VPS13C: variants seen among roughly 807,000 people sequenced by gnomAD.
VPS13C encodes vacuolar protein sorting 13 homolog C.
Under a neutral mutation model 456.8 loss-of-function variants are expected in VPS13C, and 358 were observed. The ratio of observed to expected loss-of-function variants is 0.78; its 90% confidence interval spans 0.72 to 0.86. The LOEUF (loss-of-function observed/expected upper bound fraction) is 0.86. Ranked by LOEUF, VPS13C falls within the 40% of genes least tolerant of loss-of-function variation. VPS13C has a pLI of 0.00. For synonymous variants in VPS13C, 1,578 were observed against 1,486.7 expected, an observed-to-expected ratio of 1.06 and a Z score of -1.41; for missense variants, 4,818 against 4,385.4, an observed-to-expected ratio of 1.10 and a Z score of -2.79.
intron 37 of VPS13C, among the ~76,000 whole-genome samples, chr15:61,957,112 A>G (rs2045029201): frequency 6.6e-6 from 1 of 152,194 alleles, no homozygotes; most frequent in Admixed American, 6.5e-5. Flanking sequence ...TGAATAGTGC[A>G]CAGAAATAAA....
chr15:62,041,718 G>T (rs1303533991), intron 2 of VPS13C, among the ~76,000 whole-genome samples: 1 of 152,076 alleles, frequency 6.6e-6, no homozygotes, highest in Non-Finnish European at 1.5e-5. Context: ...TAATCAGGAG[G>T]CTGAGGCAGG....
intron 79 of VPS13C, 62 bp from the exon 80 acceptor site, chr15:61,869,685 A>T: frequency 6.2e-7 from 1 of 1,602,242 alleles, no homozygotes; most frequent in South Asian, 1.1e-5. Flanking sequence ...GTTTGAGCTC[A>T]ACCAAAACCT....
chr15:61,875,929 G>A, intron 75 of VPS13C, 84 bp from the exon 76 acceptor site: 1 of 940,524 alleles, frequency 1.1e-6, no homozygotes. Context: ...GAGATTTACT[G>A]ATAAAATTAA....
At chr15:61,854,762 T>C (rs1199618693) in intron 84 of VPS13C, 109 bp downstream of exon 84, 6 of 1,093,746 alleles carry the variant, frequency 5.5e-6, no homozygotes, top group South Asian at 1.6e-5. Context: ...TATCCATCCA[T>C]AGTTATATTT....
rs1185972121 is a variant in VPS13C at position 61,972,734 on chromosome 15, T to C, written c.2648A>G (p.Asp883Gly). ...ESDDEYFDAEDGEPQTCKSMK... is the reference protein window; with the variant it reads ...ESDDEYFDAEGGEPQTCKSMK... ...ACTTTTACAAGTCTGTGGTTCTCCATCTTCAGCATCAAAATACTCATCATC... is the reference window on the plus strand; with the variant it reads ...ACTTTTACAAGTCTGTGGTTCTCCACCTTCAGCATCAAAATACTCATCATC... Residue 883 changes from aspartate to glycine, a missense_variant, in exon 27 of 85, where the codon GAT becomes GGT. By Grantham distance (94) the Asp-to-Gly change is moderately conservative (BLOSUM62 -1). Transcript: ENST00000644861. 1 of 1,612,516 alleles carries C rather than the reference T, an allele frequency of 6.2e-7. No individual in the cohort carries two copies.
rs1187667772 is a variant in VPS13C, at chr15:61,925,521, C to G, written c.6544G>C (p.Glu2182Gln). Residue 2182 changes from glutamate to glutamine, a missense_variant, in exon 53 of 85, where the codon GAA becomes CAA. Coordinates refer to ENST00000644861, the MANE Select transcript of VPS13C (RefSeq NM_020821.3). ...TTTCCTGAAGCCCACGTACATTTTT[C>G]CATAAATAAAGAACAGGGCTGCAAG... Reference protein sequence around the residue: ...TVLQPCSLFMEKCTWASGKQN... With the variant: ...TVLQPCSLFMQKCTWASGKQN... The G allele has an allele frequency of 6.2e-7, 1 of 1,603,616 alleles. No homozygotes were observed. Among genetic ancestry groups the G allele is most frequent in the Non-Finnish European group, 8.5e-7 (1 of 1,175,302 alleles).
At position 62,037,347 on chromosome 15, in the gene VPS13C, A is replaced by G. The variant is rs1256874381; in HGVS notation, c.188-2295T>C. Among the ~76,000 whole-genome samples the G allele has an allele frequency of 2.2e-4, 19 of 86,254 alleles. 1 individual carries two copies. The highest frequency in any genetic ancestry group is 3.4e-4 in the Non-Finnish European group (15 of 44,526). 56.6% of individuals were successfully genotyped at this position (86,254 alleles called of 152,430 possible). On this transcript the variant is annotated intron_variant, in intron 3 of 84. Transcript: ENST00000644861. ...TATTATATACATTTATATATAATATATTATATATAAATGTATATAATATAT... is the reference window on the plus strand; with the variant it reads ...TATTATATACATTTATATATAATATGTTATATATAAATGTATATAATATAT...
chr15:61,950,215 C>G (rs1273462864), intron 41 of VPS13C, 143 bp downstream of exon 41: 1 of 670,924 alleles, frequency 1.5e-6, no homozygotes, highest in South Asian at 1.8e-5. Context: ...CTAGTATCTA[C>G]TTAACTTTAT....
intron 8 of VPS13C, among the ~76,000 whole-genome samples, chr15:62,022,862 T>C (rs1239518584): frequency 6.6e-6 from 1 of 151,914 alleles, no homozygotes; most frequent in African/African-American, 2.4e-5. Flanking sequence ...AATTAGCCAG[T>C]TAAACAGTTC....
intron 6 of VPS13C, 84 bp downstream of exon 6, chr15:62,028,274 G>A: frequency 7.2e-7 from 1 of 1,397,374 alleles, no homozygotes; most frequent in Non-Finnish European, 1.0e-6. Flanking sequence ...AGGATGGCAT[G>A]CCATCAAATG....
intron 12 of VPS13C, among the ~76,000 whole-genome samples, chr15:62,011,575 T>C (rs2047037777): frequency 6.6e-6 from 1 of 151,774 alleles, no homozygotes; most frequent in African/African-American, 2.4e-5. Flanking sequence ...AATAGCTTCA[T>C]TACCATGAAA....
At chr15:62,037,309 T>C (rs1337389549) in intron 3 of VPS13C, among the ~76,000 whole-genome samples, 2 of 67,820 alleles carry the variant, frequency 2.9e-5, no homozygotes, top group Non-Finnish European at 5.2e-5. Flanking sequence ...AATATATATA[T>C]AAATATATTA....
intron 67 of VPS13C, among the ~76,000 whole-genome samples, chr15:61,885,096 C>T (rs922254837): frequency 3.3e-5 from 5 of 152,032 alleles, no homozygotes; most frequent in African/African-American, 1.2e-4. Context: ...AATATATCCT[C>T]TCCAAATACA....
intron 66 of VPS13C, among the ~76,000 whole-genome samples, chr15:61,895,605 G>C (rs1252784653): frequency 1.3e-5 from 2 of 152,154 alleles, no homozygotes; most frequent in African/African-American, 2.4e-5. Flanking sequence ...AGAAGACAGA[G>C]ATAAATTTCT....
rs1052193422 is a variant in VPS13C at position 61,942,362 on chromosome 15, A to G, written c.5149-295T>C. Among the ~76,000 whole-genome samples the G allele has an allele frequency of 4.6e-5, 7 of 151,692 alleles. No homozygotes were observed. In the South Asian group the frequency reaches 6.2e-4, roughly 14 times the overall value. ...TTTATTCTCATGATAAATTTTTGCAACAGTTCTTTTAAAAATCTCCTTTTT... is the reference window on the plus strand; with the variant it reads ...TTTATTCTCATGATAAATTTTTGCAGCAGTTCTTTTAAAAATCTCCTTTTT... On this transcript the variant is annotated intron_variant, in intron 45 of 84. Coordinates refer to ENST00000644861, the MANE Select transcript of VPS13C (RefSeq NM_020821.3).
In VPS13C at chr15:62,000,639, G is replaced by C. The variant is rs28633257; in HGVS notation, c.1291-13C>G. On this transcript the variant is annotated splice_polypyrimidine_tract_variant and intron_variant, in intron 15 of 84. Coordinates refer to ENST00000644861, the MANE Select transcript of VPS13C (RefSeq NM_020821.3). The stretch of plus-strand genomic sequence containing the variant: ...TCTTCTCCAAGTCCTGTAAAAAACA[G>C]AGGCACTTATAAACAAGAAATTTAA... The C allele has an allele frequency of 6.3e-7, 1 of 1,589,018 alleles. No homozygotes were observed. The highest frequency in any genetic ancestry group is 1.4e-5 in the African/African-American group (1 of 73,210).
chr15:61,917,736 A>C (rs903435765), intron 59 of VPS13C, 101 bp from the exon 60 acceptor site: 1 of 1,316,672 alleles, frequency 7.6e-7, no homozygotes, highest in Non-Finnish European at 1.0e-6. Context: ...AGGTGCTATT[A>C]TTCCTGTTTT....
chr15:61,859,124 A>G (rs1325368807), intron 82 of VPS13C, among the ~76,000 whole-genome samples: 2 of 152,166 alleles, frequency 1.3e-5, no homozygotes, highest in Admixed American at 1.3e-4. Flanking sequence ...TAATCCCAGC[A>G]CTTTGGGAGG....
At chr15:61,925,390 C>T (rs1004344697) in intron 53 of VPS13C, 66 bp downstream of exon 53, 5 of 927,350 alleles carry the variant, frequency 5.4e-6, no homozygotes, top group Middle Eastern at 3.6e-4. Context: ...ACTGTCTCAA[C>T]TGCAAATATG....
Sources: gnomAD v4.1 joint callset for allele counts (sites outside exome capture counted in the v4.1 genomes callset) on GRCh38, gnomAD v4.1.1 for gene constraint, MANE v1.5 for transcripts, NCBI Gene and HGNC (gene_info 2026-07-23, HGNC 2026-07-21) for gene names.